PIK3C2G: variants seen among roughly 807,000 people sequenced by gnomAD.
The protein encoded by PIK3C2G is phosphatidylinositol-4-phosphate 3-kinase catalytic subunit type 2 gamma, also known as phosphatidylinositol 3-kinase C2 domain-containing subunit gamma.
Under a neutral mutation model 181.1 loss-of-function variants are expected in PIK3C2G, and 168 were observed. The ratio of observed to expected loss-of-function variants is 0.93; its 90% CI spans 0.82 to 1.05. PIK3C2G has a LOEUF of 1.05. Among genes scored for constraint, PIK3C2G ranks in the 50% least tolerant of loss-of-function variants. PIK3C2G has a pLI of 0.00. For missense variants in PIK3C2G, 1,869 were observed against 1,732.8 expected (o/e 1.08, Z -1.40); for synonymous variants, 573 against 592.2 (o/e 0.97, Z 0.47).
intron 18 of PIK3C2G, among the ~76,000 whole-genome samples, chr12:18,433,513 T>A (rs1946282324): frequency 6.6e-6 from 1 of 152,110 alleles, no homozygotes; most frequent in Non-Finnish European, 1.5e-5. Context: ...GTGAAAGAGC[T>A]AGACTCCATC....
chr12:18,464,446 T>C (rs1356703622), intron 18 of PIK3C2G, among the ~76,000 whole-genome samples: 1 of 152,086 alleles, frequency 6.6e-6, no homozygotes, highest in African/African-American at 2.4e-5. Flanking sequence ...ACTGTAGCAA[T>C]AGGTCTAAAT....
chr12:18,306,802 G>A (rs1374033346), intron 5 of PIK3C2G, among the ~76,000 whole-genome samples: 1 of 151,828 alleles, frequency 6.6e-6, no homozygotes, highest in Non-Finnish European at 1.5e-5. Context: ...TTTTCTTAAA[G>A]AAATACCTTC....
At chr12:18,687,373 C>T in the PIK3C2G span, among the ~76,000 whole-genome samples, 1 of 152,140 alleles carries the variant, frequency 6.6e-6, no homozygotes, top group African/African-American at 2.4e-5. Flanking sequence ...GAGAATATCC[C>T]TTGAAGAAGA....
At chr12:18,563,267 T>C in intron 27 of PIK3C2G, 110 bp from the exon 28 acceptor site, 2 of 934,198 alleles carry the variant, frequency 2.1e-6, no homozygotes, top group Non-Finnish European at 3.1e-6. Flanking sequence ...TTTATGATAA[T>C]GTTTTGCAGA....
chr12:18,618,061 A>C (rs141023755), intron 31 of PIK3C2G, among the ~76,000 whole-genome samples: 21 of 152,300 alleles, frequency 1.4e-4, no homozygotes, highest in Admixed American at 2.6e-4. Context: ...TGTGAAAGGA[A>C]ATCAGAACTT....
At chr12:18,515,823 C>G (rs1314268443) in intron 24 of PIK3C2G, among the ~76,000 whole-genome samples, 2 of 151,678 alleles carry the variant, frequency 1.3e-5, no homozygotes, top group Non-Finnish European at 2.9e-5. Flanking sequence ...AAATATCTTT[C>G]TATTTTGTTG....
chr12:18,312,542 G>C (rs542167593), intron 5 of PIK3C2G, among the ~76,000 whole-genome samples: 1 of 152,270 alleles, frequency 6.6e-6, no homozygotes, highest in South Asian at 2.1e-4. Context: ...GATAGATTGT[G>C]AGGCTGGCCC....
chr12:18,520,806 T>C (rs1436918826), intron 24 of PIK3C2G, among the ~76,000 whole-genome samples: 2 of 151,924 alleles, frequency 1.3e-5, no homozygotes, highest in Non-Finnish European at 2.9e-5. Flanking sequence ...CTCTGGCCTT[T>C]TGGATTTTCA....
At chr12:18,309,534 T>C (rs1950555674) in intron 5 of PIK3C2G, among the ~76,000 whole-genome samples, 1 of 151,778 alleles carries the variant, frequency 6.6e-6, no homozygotes, top group East Asian at 1.9e-4. Flanking sequence ...AATAAAATTG[T>C]TTCATGAAAA....
At chr12:18,683,243 C>T in the PIK3C2G span, 1 of 1,612,122 alleles carries the variant, frequency 6.2e-7, no homozygotes, top group Non-Finnish European at 8.5e-7. Context: ...TAGCTGTTAT[C>T]TGACGTACCA....
chr12:18,294,024 T>G lies in PIK3C2G; in HGVS notation c.1034+9T>G. 1 of 1,276,108 alleles carries G rather than the reference T, an allele frequency of 7.8e-7. No individual in the cohort carries two copies. The highest frequency in any genetic ancestry group is 1.1e-6 in the Non-Finnish European group (1 of 880,480). The allele number at this position is 1,276,108 out of a possible 1,614,324, so 79.0% of individuals were successfully genotyped here. A position where few individuals can be genotyped will look rare whatever the true frequency, so the allele number is the denominator to read the frequency against. ...GAAGAATTTTTACAAAAGTAAGTAT[T>G]TTATGAAATTTTGGTTGTATTATAA... is the stretch of plus-strand genomic sequence containing the variant. On this transcript the variant is annotated intron_variant, in intron 5 of 32. Transcript: ENST00000538779.
At chr12:18,578,094 G>A (rs1946321139) in intron 29 of PIK3C2G, among the ~76,000 whole-genome samples, 1 of 152,164 alleles carries the variant, frequency 6.6e-6, no homozygotes, top group African/African-American at 2.4e-5. Context: ...GGTTCTAAAG[G>A]TAGAAGGTGA....
chr12:18,527,175 C>T (rs949111617), intron 24 of PIK3C2G, among the ~76,000 whole-genome samples: 1 of 152,122 alleles, frequency 6.6e-6, no homozygotes, highest in African/African-American at 2.4e-5. Context: ...ATGCTGATTC[C>T]TCAGCTGGTC....
At chr12:18,378,314 T>TC (rs780076946) in intron 13 of PIK3C2G, among the ~76,000 whole-genome samples, 4,253 of 144,050 alleles carry the variant, frequency 0.03, 86 homozygotes, top group African/African-American at 0.059. Flanking sequence ...CCTCATGAGT[T>TC]CCCCCCCCCG....
At chr12:18,593,473 G>A (rs1274661975) in intron 29 of PIK3C2G, among the ~76,000 whole-genome samples, 2 of 151,926 alleles carry the variant, frequency 1.3e-5, no homozygotes, top group Non-Finnish European at 2.9e-5. Context: ...TCCTGGGGAA[G>A]AGTAGAAAAA....
chr12:18,620,570 G>A (rs4485161), intron 31 of PIK3C2G, among the ~76,000 whole-genome samples: 1,727 of 131,648 alleles, frequency 0.013, 19 homozygotes, highest in South Asian at 0.016. Context: ...AGATAGATAG[G>A]TAACCATACT....
intron 18 of PIK3C2G, among the ~76,000 whole-genome samples, chr12:18,460,079 A>T (rs1223143127): frequency 6.6e-6 from 1 of 152,012 alleles, no homozygotes; most frequent in East Asian, 1.9e-4. Context: ...TTTTTTCTTA[A>T]TTACTTTTTT....
chr12:18,438,572 T>C (rs186167466), intron 18 of PIK3C2G, among the ~76,000 whole-genome samples: 5 of 151,994 alleles, frequency 3.3e-5, no homozygotes, highest in Non-Finnish European at 2.9e-5. Context: ...TCCATTTCTC[T>C]GAAAAATATT....
At chr12:18,359,285 G>C (rs954783940) in intron 11 of PIK3C2G, among the ~76,000 whole-genome samples, 6 of 152,094 alleles carry the variant, frequency 3.9e-5, no homozygotes, top group African/African-American at 1.4e-4. Flanking sequence ...ATTCTCCTGT[G>C]GTCAGAAAAG....
Sources: allele counts gnomAD v4.1 joint callset (sites outside exome capture counted in the v4.1 genomes callset), GRCh38; gene constraint gnomAD v4.1.1; transcripts MANE v1.5; gene names NCBI Gene and HGNC (gene_info 2026-07-23, HGNC 2026-07-21).